Variants in LRRC43 observed in about 807,000 individuals in gnomAD.
LRRC43 encodes leucine rich repeat containing 43.
Under a neutral mutation model 64.3 loss-of-function variants are expected in LRRC43, and 62 were observed. The ratio of observed to expected loss-of-function variants is 0.96; its 90% CI spans 0.79 to 1.19. LRRC43 has a LOEUF of 1.19. Among genes scored for constraint, LRRC43 ranks in the 50% most tolerant of loss-of-function variants. The pLI is 0.00. For missense variants in LRRC43, 868 were observed against 845.0 expected (o/e 1.03, Z -0.34); for synonymous variants, 422 against 382.3 (o/e 1.10, Z -1.21).
rs748399342 is a variant in LRRC43, at chr12:122,184,529, G to T, written c.161G>T (p.Arg54Leu). Residue 54 changes from arginine to leucine, a missense_variant, in exon 2 of 12, where the codon CGC becomes CTC. Physicochemically the swap from Arg to Leu is moderately radical, Grantham distance 102 (BLOSUM62 -2). Transcript: ENST00000339777. This position sits in a 1 kb window ranked among gnomAD's most constrained non-coding sequence, Gnocchi z 4.0. ...PCGAGSWNKS[R>L]FLPQTWRTWR... is the part of the protein sequence containing the mutation. ...CCTCTGCCACTGCAGAATAAGTCGC[G>T]CTTTCTTCCTCAAACTTGGCGAACT... 1 of 1,613,144 alleles carries T rather than the reference G, an allele frequency of 6.2e-7. No individual in the cohort carries two copies. Among genetic ancestry groups the T allele is most frequent in the South Asian group, 1.1e-5 (1 of 90,910 alleles).
chr12:122,173,759 A>G, intron 1 of LRRC43: 1 of 1,192,780 alleles, frequency 8.4e-7, no homozygotes, highest in Non-Finnish European at 1.2e-6. Context: ...CCCTGGTTTC[A>G]GGTCCGGAGA....
chr12:122,172,814 A>G (rs1233860358), intron 1 of LRRC43: 2 of 1,215,442 alleles, frequency 1.6e-6, no homozygotes, highest in Non-Finnish European at 2.3e-6. Flanking sequence ...GAATGTTTGC[A>G]TGCTTCCTCC....
Position 122,192,803 on chromosome 12 carries a change from T to TGGA in LRRC43, c.1149_1151dup (p.Glu384dup). 6.2e-7 allele frequency: 1 copy of TGGA among 1,614,186 alleles called. No individual in the cohort carries two copies. Among genetic ancestry groups the TGGA allele is most frequent in the South Asian group, 1.1e-5 (1 of 91,080 alleles). ...GTTGAGGAATCTCCTGAAGAGGTCG[T>TGGA]GGAAGACGTCATCGAAGACATTGTT... On this transcript the variant is annotated inframe_insertion, in exon 7 of 12. Coordinates refer to ENST00000339777, the MANE Select transcript of LRRC43 (RefSeq NM_001098519.2).
At chr12:122,202,923 C>G (rs1304940058) in intron 11 of LRRC43, among the ~76,000 whole-genome samples, 2 of 152,088 alleles carry the variant, frequency 1.3e-5, no homozygotes, top group African/African-American at 4.8e-5. Context: ...GAAACCCCGT[C>G]TCTACTAAAA....
chr12:122,170,459 G>C (rs993442267), intron 1 of LRRC43, among the ~76,000 whole-genome samples: 1 of 151,868 alleles, frequency 6.6e-6, no homozygotes, highest in African/African-American at 2.4e-5. Context: ...GTGAAACCCC[G>C]TCTCTACTAA....
chr12:122,200,828 G>GAT lies in LRRC43; in HGVS notation c.1703_1704insAT (p.Leu569SerfsTer3). 6.2e-7 allele frequency: 1 copy of GAT among 1,613,216 alleles called. No homozygotes were observed. Among genetic ancestry groups the GAT allele is most frequent in the Non-Finnish European group, 8.5e-7 (1 of 1,179,996 alleles). On this transcript the variant is annotated frameshift_variant, in exon 10 of 12. Transcript: ENST00000339777. LOFTEE classifies it high-confidence loss of function. This position sits in a 1 kb window ranked among gnomAD's most constrained non-coding sequence, Gnocchi z 4.6. ...CCCATCCTCCAGGTGCTGGGCCGGG[G>GAT]CCTGGTGATCCTGGAGCCCCTGCTC... is the stretch of plus-strand genomic sequence containing the variant.
chr12:122,173,269 G>A (rs1276946354), intron 1 of LRRC43, among the ~76,000 whole-genome samples: 5 of 152,200 alleles, frequency 3.3e-5, no homozygotes, highest in Non-Finnish European at 7.3e-5. Flanking sequence ...AGTCATCTTG[G>A]GTTGGTAACA....
At chr12:122,171,210 G>A (rs1486728845) in intron 1 of LRRC43, among the ~76,000 whole-genome samples, 1 of 152,170 alleles carries the variant, frequency 6.6e-6, no homozygotes, top group African/African-American at 2.4e-5. Flanking sequence ...CCCGGGGAGG[G>A]TCAAAGCCTG....
Position 122,203,352 on chromosome 12 carries a change from T to G in LRRC43, c.1881T>G (p.Asp627Glu). ...PKAVIPIYEGDYHPEPLTVEV... is the reference protein window; with the variant it reads ...PKAVIPIYEGEYHPEPLTVEV... ...CCGTGATTCCGATCTACGAAGGCGA[T>G]TACCACCCTGAGCCCCTGACCGTAG... Residue 627 changes from aspartate to glutamate, a missense_variant, in exon 12 of 12, where the codon GAT (aspartate) becomes GAG (glutamate). By Grantham distance (45) the Asp-to-Glu change is conservative. Coordinates refer to ENST00000339777, the MANE Select transcript of LRRC43 (RefSeq NM_001098519.2). 2.5e-6 allele frequency: 4 copies of G among 1,613,384 alleles called. No homozygotes were observed. Among genetic ancestry groups the G allele is most frequent in the Non-Finnish European group, 3.4e-6 (4 of 1,179,946 alleles).
chr12:122,203,402 G>A lies in LRRC43; in HGVS notation c.1931G>A (p.Cys644Tyr), dbSNP rs778550642. The change falls in exon 12 of 12, where the codon TGC becomes TAC. Residue 644 changes from cysteine (C) to tyrosine (Y), a missense_variant. By Grantham distance (194) the Cys-to-Tyr change is radical. Coordinates refer to ENST00000339777, the MANE Select transcript of LRRC43 (RefSeq NM_001098519.2). ...TVEVQIQLNQCRSAEEALRMF... is the reference protein window; with the variant it reads ...TVEVQIQLNQYRSAEEALRMF... ...GAGGTGCAGATCCAGCTGAACCAGT[G>A]CCGCTCGGCGGAGGAGGCTCTGCGC... The A allele has an allele frequency of 4.3e-6, 7 of 1,612,512 alleles. No homozygotes were observed. The highest frequency in any genetic ancestry group is 5.1e-6 in the Non-Finnish European group (6 of 1,179,706).
At chr12:122,186,341 C>A in intron 3 of LRRC43, 41 bp downstream of exon 3, 2 of 1,319,222 alleles carry the variant, frequency 1.5e-6, no homozygotes, top group African/African-American at 1.5e-5. Context: ...TGGGCCTCCG[C>A]TGCCCAGAGG....
chr12:122,193,024 C>T lies in LRRC43; in HGVS notation c.1349+20C>T. ...CCCAGGGTAAGGATGGAAATCTGAA[C>T]CAGGGCAAGTGGTCAGAGCAGTAGG... On this transcript the variant is annotated intron_variant, in intron 7 of 11. Coordinates refer to ENST00000339777, the MANE Select transcript of LRRC43 (RefSeq NM_001098519.2). 2 of 1,611,596 alleles carry T rather than the reference C, an allele frequency of 1.2e-6. No homozygotes were observed. The highest frequency in any genetic ancestry group is 1.7e-6 in the Non-Finnish European group (2 of 1,178,798).
At chr12:122,175,044 T>C (rs1953525329) in intron 1 of LRRC43, among the ~76,000 whole-genome samples, 1 of 152,142 alleles carries the variant, frequency 6.6e-6, no homozygotes, top group Non-Finnish European at 1.5e-5. Context: ...TTCGCCATGT[T>C]GGTCAAGCTG....
upstream of LRRC43, among the ~76,000 whole-genome samples, chr12:122,179,009 C>A (rs768351791): frequency 1.3e-5 from 2 of 152,188 alleles, no homozygotes; most frequent in Non-Finnish European, 2.9e-5. Flanking sequence ...TTGGTACAAA[C>A]GAAGAGGATC....
At chr12:122,193,587 G>A (rs917843665) in intron 7 of LRRC43, among the ~76,000 whole-genome samples, 16 of 151,898 alleles carry the variant, frequency 1.1e-4, no homozygotes, top group African/African-American at 3.6e-4. Flanking sequence ...TTTTGGCGGG[G>A]ACAGTCTCAC....
intron 5 of LRRC43, among the ~76,000 whole-genome samples, chr12:122,190,660 T>G (rs1157523464): frequency 2.6e-5 from 4 of 151,990 alleles, no homozygotes; most frequent in Non-Finnish European, 5.9e-5. Flanking sequence ...GTCAGGAGTT[T>G]GAGACCAGCC....
intron 5 of LRRC43, 118 bp from the exon 6 acceptor site, chr12:122,191,262 A>C (rs1953714499): frequency 1.2e-6 from 1 of 830,550 alleles, no homozygotes; most frequent in African/African-American, 1.7e-5. Flanking sequence ...CGCCCCACCA[A>C]GGCTCAGCCC....
chr12:122,178,355 CT>C (rs1328588851), upstream of LRRC43, among the ~76,000 whole-genome samples: 1 of 152,092 alleles, frequency 6.6e-6, no homozygotes, highest in Non-Finnish European at 1.5e-5. Context: ...CCTTTTGCCC[CT>C]CTCCCTAGCT....
In LRRC43 at chr12:122,183,139, C is replaced by G. The variant is rs759632711; in HGVS notation, c.-6C>G. On this transcript the variant is annotated 5_prime_UTR_variant, in exon 1 of 12. Coordinates refer to ENST00000339777, the MANE Select transcript of LRRC43 (RefSeq NM_001098519.2). ...CTAGCGGTTGCCGGGCAACGCGGCC[C>G]GGGCCATGGAGGCGTCGTACGAGTC... 1.2e-5 allele frequency: 18 copies of G among 1,537,568 alleles called. No homozygotes were observed. The African/African-American group carries it at 1.3e-4, about 11-fold the overall frequency.
Sources: gnomAD v4.1 joint callset for allele counts (sites outside exome capture counted in the v4.1 genomes callset) on GRCh38, gnomAD v4.1.1 for gene constraint, Gnocchi (gnomAD v3.1) non-coding constraint, MANE v1.5 for transcripts, NCBI Gene and HGNC (gene_info 2026-07-23, HGNC 2026-07-21) for gene names.